The following GNAL variants were observed in gnomAD, a reference collection of about 807,000 sequenced individuals.
GNAL encodes G protein subunit alpha L, also known as guanine nucleotide-binding protein G(olf) subunit alpha.
In GNAL, 18 loss-of-function variants were observed where a neutral mutation model predicts 55.1. The observed-to-expected ratio is 0.33, with a 90% CI of 0.23 to 0.48. GNAL has a LOEUF of 0.48. GNAL is among the 20% of genes least tolerant of loss of function. GNAL has a pLI of 0.99. For synonymous variants in GNAL, 253 were observed against 237.0 expected (o/e 1.07, Z -0.62); for missense variants, 412 against 614.1 (o/e 0.67, Z 3.48).
chr18:11,822,513 A>C (rs1383025487), intron 4 of GNAL, among the ~76,000 whole-genome samples: 1 of 152,204 alleles, frequency 6.6e-6, no homozygotes, highest in Non-Finnish European at 1.5e-5. Context: ...CTGAGGCAGG[A>C]GGATTGCTTG....
intron 8 of GNAL, among the ~76,000 whole-genome samples, chr18:11,867,452 G>A (rs1162594509): frequency 2.6e-5 from 4 of 152,136 alleles, no homozygotes; most frequent in Non-Finnish European, 5.9e-5. Context: ...GCCAAGGAGG[G>A]CGGATAACCT....
chr18:11,748,319 C>G (rs2032736898), intron 1 of GNAL, among the ~76,000 whole-genome samples: 1 of 152,092 alleles, frequency 6.6e-6, no homozygotes, highest in African/African-American at 2.4e-5. Flanking sequence ...GGTCTGTGTC[C>G]CAGATACTCT....
intron 1 of GNAL, among the ~76,000 whole-genome samples, chr18:11,720,482 T>C (rs2032069487): frequency 6.6e-6 from 1 of 152,232 alleles, no homozygotes. Flanking sequence ...CGTTATGTGT[T>C]TCATCTTTGC....
intron 4 of GNAL, among the ~76,000 whole-genome samples, chr18:11,772,031 G>A (rs1445139964): frequency 6.6e-6 from 1 of 152,214 alleles, no homozygotes; most frequent in African/African-American, 2.4e-5. Context: ...TTTGGACACC[G>A]CAGAGGTGCT....
At chr18:11,865,113 G>A (rs754023168) in intron 7 of GNAL, among the ~76,000 whole-genome samples, 5 of 139,638 alleles carry the variant, frequency 3.6e-5, no homozygotes, top group South Asian at 2.1e-4. Flanking sequence ...AGACTCTCTC[G>A]GCACAGCCCT....
chr18:11,789,184 C>T (rs1240269970), intron 4 of GNAL, among the ~76,000 whole-genome samples: 2 of 151,994 alleles, frequency 1.3e-5, no homozygotes, highest in Non-Finnish European at 2.9e-5. Context: ...TTGAGGCCCT[C>T]AATCACTGTC....
At chr18:11,799,464 C>T (rs1239066515) in intron 4 of GNAL, among the ~76,000 whole-genome samples, 2 of 152,150 alleles carry the variant, frequency 1.3e-5, no homozygotes, top group South Asian at 2.1e-4. Context: ...ATAATAGGGT[C>T]ACTGTCCAGC....
intron 5 of GNAL, among the ~76,000 whole-genome samples, chr18:11,850,210 G>C (rs998621702): frequency 3.9e-5 from 6 of 152,186 alleles, no homozygotes; most frequent in African/African-American, 9.6e-5. Context: ...GAGGTGGAGG[G>C]GCGCGAAAGA....
intron 4 of GNAL, among the ~76,000 whole-genome samples, chr18:11,760,002 C>T (rs1732964246): frequency 6.6e-6 from 1 of 152,040 alleles, no homozygotes; most frequent in South Asian, 2.1e-4. Context: ...GGTGACCATT[C>T]CTGCCCAGTA....
At chr18:11,737,733 GC>G (rs1310152116) in intron 1 of GNAL, among the ~76,000 whole-genome samples, 1 of 152,240 alleles carries the variant, frequency 6.6e-6, no homozygotes, top group East Asian at 1.9e-4. Context: ...TGCTCTCCAA[GC>G]CCTGTGCTGG....
intron 5 of GNAL, among the ~76,000 whole-genome samples, chr18:11,847,941 G>A (rs1361290203): frequency 6.6e-6 from 1 of 152,222 alleles, no homozygotes; most frequent in Non-Finnish European, 1.5e-5. Flanking sequence ...AGCCAGGGTA[G>A]ATGCAGATTC....
intron 4 of GNAL, among the ~76,000 whole-genome samples, chr18:11,813,097 TACA>T (rs2034860742): frequency 6.6e-6 from 1 of 151,152 alleles, no homozygotes; most frequent in Non-Finnish European, 1.5e-5. Flanking sequence ...CTATTAACGA[TACA>T]ACAAATTAGT....
intron 5 of GNAL, chr18:11,851,751 G>C (rs1301933761): frequency 6.2e-7 from 1 of 1,613,924 alleles, no homozygotes. Context: ...CCAGGGTCCA[G>C]ACGGCGGTGA....
In GNAL at chr18:11,829,354, A is replaced by G. The variant is rs1172610045; in HGVS notation, c.722+4339A>G. On this transcript the variant is annotated intron_variant, in intron 5 of 11. Coordinates refer to ENST00000334049, the MANE Select transcript of GNAL (RefSeq NM_182978.4). ...GAGCAATAACCTTTGCATCCTAATA[A>G]CTATCTTGTTTTTCCTATAGGGTCA... 9.9e-5 allele frequency among the ~76,000 whole-genome samples: 15 copies of G among 152,228 alleles called. 1 individual carries two copies. The highest frequency in any genetic ancestry group is 9.8e-4 in the Admixed American group (15 of 15,290).
chr18:11,793,053 G>A (rs555725094), intron 4 of GNAL, among the ~76,000 whole-genome samples: 1 of 152,320 alleles, frequency 6.6e-6, no homozygotes, highest in Admixed American at 6.5e-5. Flanking sequence ...AAATATAGGA[G>A]CTAAGACTAT....
rs556877421 is a variant in GNAL at position 11,708,396 on chromosome 18, T to C, written c.376+18457T>C. Among the ~76,000 whole-genome samples, 47 of 152,282 alleles carry C rather than the reference T, an allele frequency of 3.1e-4. No homozygotes were observed. The South Asian group carries it at 9.5e-3, about 31-fold the overall frequency. On this transcript the variant is annotated intron_variant, in intron 1 of 11. Coordinates refer to ENST00000334049, the MANE Select transcript of GNAL (RefSeq NM_182978.4). The stretch of plus-strand genomic sequence containing the variant: ...GCAGTCAGAACACACACACCATTTA[T>C]CGATTGAGTTTGCCATCTTATATGG...
At chr18:11,695,923 C>T (rs1193642318) in intron 1 of GNAL, among the ~76,000 whole-genome samples, 1 of 123,322 alleles carries the variant, frequency 8.1e-6, no homozygotes, top group Non-Finnish European at 1.7e-5. Flanking sequence ...TGCACGCATG[C>T]ACACACACAC....
chr18:11,717,751 A>C (rs910602106), intron 1 of GNAL, among the ~76,000 whole-genome samples: 1 of 152,232 alleles, frequency 6.6e-6, no homozygotes, highest in African/African-American at 2.4e-5. Flanking sequence ...ATGAGAACAC[A>C]TGGACCCATA....
intron 1 of GNAL, among the ~76,000 whole-genome samples, chr18:11,708,181 G>A (rs1004263072): frequency 6.6e-6 from 1 of 152,124 alleles, no homozygotes; most frequent in Admixed American, 6.5e-5. Context: ...GCCTGTCTTG[G>A]CTTTTGACAT....
Sources: gnomAD v4.1 joint callset for allele counts (sites outside exome capture counted in the v4.1 genomes callset) on GRCh38, gnomAD v4.1.1 for gene constraint, MANE v1.5 for transcripts, NCBI Gene and HGNC (gene_info 2026-07-23, HGNC 2026-07-21) for gene names.